Variants in ZC3H12B observed in about 807,000 individuals in gnomAD.
The protein encoded by ZC3H12B is zinc finger CCCH-type containing 12B.
ZC3H12B carries 7 observed loss-of-function variants against 43.9 expected under a neutral mutation model. The ratio of observed to expected loss-of-function variants is 0.16; its 90% CI spans 0.09 to 0.30. ZC3H12B has a LOEUF of 0.30. Among genes scored for constraint, ZC3H12B ranks in the 10% least tolerant of loss-of-function variants. The pLI is 1.00. For synonymous variants in ZC3H12B, 222 were observed against 241.7 expected, an observed-to-expected ratio of 0.92 and a Z score of 0.76; for missense variants, 475 against 670.2, an observed-to-expected ratio of 0.71 and a Z score of 3.22.
At chrX:65,482,635 A>C (rs1282066712) in intron 3 of ZC3H12B, among the ~76,000 whole-genome samples, 1 of 112,311 alleles carries the variant, frequency 8.9e-6, no homozygotes, top group Non-Finnish European at 1.9e-5. Flanking sequence ...GTCAAGCACT[A>C]GAAATGTTTT....
intron 2 of ZC3H12B, among the ~76,000 whole-genome samples, chrX:65,395,005 C>A (rs2066677605): frequency 9.0e-6 from 1 of 111,196 alleles, no homozygotes; most frequent in Non-Finnish European, 1.9e-5. Context: ...TGACTTGGTT[C>A]TCTGTCTATT....
chrX:65,387,330 G>T (rs893749997), intron 2 of ZC3H12B, among the ~76,000 whole-genome samples: 2 of 111,841 alleles, frequency 1.8e-5, no homozygotes, highest in Non-Finnish European at 3.8e-5. Flanking sequence ...GTGCTCCTGT[G>T]TTGGGTGCAT....
the ZC3H12B span, among the ~76,000 whole-genome samples, chrX:65,285,893 C>G: frequency 2.7e-5 from 3 of 111,306 alleles, no homozygotes; most frequent in Non-Finnish European, 5.7e-5. Context: ...AGAAAACAAC[C>G]AAAAATATTA....
chrX:65,491,700 C>T (rs2068205187), intron 1 of ZC3H12B, among the ~76,000 whole-genome samples: 1 of 86,241 alleles, frequency 1.2e-5, no homozygotes, highest in Non-Finnish European at 2.0e-5. Flanking sequence ...GAGTGAGGCC[C>T]TATTTAAAAA....
chrX:65,169,342 T>C, the ZC3H12B span, among the ~76,000 whole-genome samples: 8 of 112,050 alleles, frequency 7.1e-5, no homozygotes, highest in African/African-American at 2.6e-4. Context: ...AGTTGAGCAG[T>C]TTTTAGTGAG....
At chrX:65,502,615 G>A (rs779734586) in exon 5 of ZC3H12B, 152 of 1,207,693 alleles carry the variant, frequency 1.3e-4, no homozygotes, top group Non-Finnish European at 1.6e-4. Flanking sequence ...TAACACGAGT[G>A]CAGAGCTATG....
the ZC3H12B span, among the ~76,000 whole-genome samples, chrX:65,138,380 G>A: frequency 9.0e-6 from 1 of 110,959 alleles, no homozygotes; most frequent in Non-Finnish European, 1.9e-5. Flanking sequence ...GTGTCCTCCA[G>A]GTTCATTCGT....
chrX:65,103,203 G>T, the ZC3H12B span, among the ~76,000 whole-genome samples: 1 of 111,140 alleles, frequency 9.0e-6, no homozygotes, highest in Non-Finnish European at 1.9e-5. Flanking sequence ...TCCCAGAGTG[G>T]CCATTTCAGA....
the ZC3H12B span, among the ~76,000 whole-genome samples, chrX:65,081,398 C>T: frequency 9.0e-6 from 1 of 110,720 alleles, no homozygotes; most frequent in Non-Finnish European, 1.9e-5. Context: ...ACACACATTA[C>T]CTATAAAGAC....
chrX:65,212,480 AAT>A, the ZC3H12B span, among the ~76,000 whole-genome samples: 100 of 67,928 alleles, frequency 1.5e-3, no homozygotes, highest in African/African-American at 6.0e-3. Flanking sequence ...TTATATAAAT[AAT>A]ATATATTATA....
At chrX:65,089,058 A>T in the ZC3H12B span, among the ~76,000 whole-genome samples, 1 of 111,939 alleles carries the variant, frequency 8.9e-6, no homozygotes, top group African/African-American at 3.2e-5. Flanking sequence ...CAAACTTTTT[A>T]GTTCTTTCAT....
In ZC3H12B at chrX:65,471,906, A is replaced by G. The variant is rs182102531; in HGVS notation, n.408-16740A>G. Among the ~76,000 whole-genome samples the G allele has an allele frequency of 9.8e-5, 11 of 111,731 alleles. No individual in the cohort carries two copies. The East Asian group carries it at 3.1e-3, about 31-fold the overall frequency. ...GTTTTCTTCATTGTGTTATTATTTTATAGGACCTGTGAGTTTTATGCTCTC... is the reference window on the plus strand; with the variant it reads ...GTTTTCTTCATTGTGTTATTATTTTGTAGGACCTGTGAGTTTTATGCTCTC... On this transcript the variant is annotated intron_variant and non_coding_transcript_variant, in intron 3 of 5. Coordinates refer to the ZC3H12B transcript ENST00000617377.
At chrX:65,411,779 A>T (rs2066906291) in intron 3 of ZC3H12B, among the ~76,000 whole-genome samples, 1 of 99,543 alleles carries the variant, frequency 1.0e-5, no homozygotes, top group Admixed American at 1.0e-4. Context: ...TTGGATTGTT[A>T]GTAACACAAA....
upstream of ZC3H12B, chrX:65,488,556 C>G: frequency 4.1e-6 from 1 of 243,991 alleles, no homozygotes; most frequent in South Asian, 1.8e-4. Flanking sequence ...TGCCAAAAAT[C>G]CTGTAGTTTC....
chrX:65,284,773 G>T, the ZC3H12B span, among the ~76,000 whole-genome samples: 144 of 109,563 alleles, frequency 1.3e-3, 1 homozygote, highest in African/African-American at 4.7e-3. Context: ...AAAAAAAAAA[G>T]AAATTTACTA....
chrX:65,079,632 C>T, the ZC3H12B span, among the ~76,000 whole-genome samples: 1 of 112,462 alleles, frequency 8.9e-6, no homozygotes, highest in African/African-American at 3.2e-5. Context: ...AAGGCAGTAC[C>T]TCTGTAAGTC....
chrX:65,385,449 T>C (rs1477882690), intron 2 of ZC3H12B, among the ~76,000 whole-genome samples: 1 of 111,526 alleles, frequency 9.0e-6, no homozygotes, highest in Non-Finnish European at 1.9e-5. Context: ...GGCTGTCTGT[T>C]TGCCTGTTAT....
intron 3 of ZC3H12B, among the ~76,000 whole-genome samples, chrX:65,421,814 T>G (rs2067021037): frequency 9.0e-6 from 1 of 110,501 alleles, no homozygotes; most frequent in African/African-American, 3.3e-5. Flanking sequence ...CTGGGCGTGG[T>G]GGCGGGCATC....
the ZC3H12B span, among the ~76,000 whole-genome samples, chrX:65,172,258 C>A: frequency 8.9e-6 from 1 of 112,026 alleles, no homozygotes; most frequent in African/African-American, 3.2e-5. Flanking sequence ...CTGTTCATAT[C>A]CTTTGCCTAC....
Sources: allele counts gnomAD v4.1 joint callset (sites outside exome capture counted in the v4.1 genomes callset), GRCh38; gene constraint gnomAD v4.1.1; transcripts MANE v1.5; gene names NCBI Gene and HGNC (gene_info 2026-07-23, HGNC 2026-07-21).